LRRIQ1: variants seen among roughly 807,000 people sequenced by gnomAD.
The protein encoded by LRRIQ1 is leucine rich repeats and IQ motif containing 1, also known as leucine-rich repeat- and IQ domain-containing protein 1.
A neutral mutation model predicts 211.9 loss-of-function variants in LRRIQ1; 210 were observed. The observed-to-expected ratio is 0.99, with a 90% CI of 0.89 to 1.11. LRRIQ1 has a LOEUF of 1.11. LRRIQ1 is among the 50% of genes most tolerant of loss of function. The probability of loss-of-function intolerance (pLI) is 0.00; values close to 1 mark genes in which losing one functional copy is unlikely to be tolerated. For missense variants in LRRIQ1, 2,136 were observed against 1,939.5 expected, an observed-to-expected ratio of 1.10 and a Z score of -1.90; for synonymous variants, 699 against 650.1, an observed-to-expected ratio of 1.08 and a Z score of -1.14.
intron 24 of LRRIQ1, among the ~76,000 whole-genome samples, chr12:85,164,576 C>A (rs1283136232): frequency 3.3e-5 from 5 of 152,116 alleles, no homozygotes; most frequent in African/African-American, 1.2e-4. Flanking sequence ...ACAATTAGTT[C>A]TCTTTATTCC....
chr12:85,114,221 A>G (rs1295134943), intron 15 of LRRIQ1, among the ~76,000 whole-genome samples: 1 of 152,088 alleles, frequency 6.6e-6, no homozygotes, highest in Non-Finnish European at 1.5e-5. Context: ...TATAATGAAA[A>G]TATCTGATGG....
At chr12:85,208,631 A>G (rs1254378327) in intron 24 of LRRIQ1, among the ~76,000 whole-genome samples, 2 of 152,146 alleles carry the variant, frequency 1.3e-5, no homozygotes, top group Non-Finnish European at 1.5e-5. Flanking sequence ...CAACGAGACC[A>G]GTAAAATTAG....
intron 19 of LRRIQ1, among the ~76,000 whole-genome samples, chr12:85,141,554 T>G (rs2136583235): frequency 6.7e-6 from 1 of 149,962 alleles, no homozygotes; most frequent in African/African-American, 2.4e-5. Context: ...GGCCATTTCC[T>G]TTGATATTTT....
intron 19 of LRRIQ1, 127 bp from the exon 20 acceptor site, chr12:85,152,153 G>C (rs986128467): frequency 8.6e-6 from 6 of 699,014 alleles, no homozygotes; most frequent in Non-Finnish European, 1.3e-5. Context: ...ATAGTAAGTA[G>C]AAAATTTCCT....
intron 11 of LRRIQ1, among the ~76,000 whole-genome samples, chr12:85,094,201 A>C (rs770218931): frequency 1.3e-5 from 2 of 152,186 alleles, no homozygotes; most frequent in Non-Finnish European, 2.9e-5. Context: ...TACTTTGTAG[A>C]CTGGACATAA....
intron 18 of LRRIQ1, among the ~76,000 whole-genome samples, chr12:85,137,135 A>C (rs143927522): frequency 2.6e-5 from 4 of 151,464 alleles, no homozygotes; most frequent in South Asian, 2.1e-4. Flanking sequence ...AATGTAATGT[A>C]TATATTTATA....
intron 19 of LRRIQ1, 43 bp downstream of exon 19, chr12:85,138,012 A>G (rs168615): frequency 0.51 from 568,463 of 1,106,368 alleles, 152,728 homozygotes; most frequent in African/African-American, 0.87. Context: ...CTTAAAATAC[A>G]TTAAGTGTAC....
intron 24 of LRRIQ1, among the ~76,000 whole-genome samples, chr12:85,188,900 CAT>C (rs1776410960): frequency 6.6e-6 from 1 of 152,022 alleles, no homozygotes; most frequent in African/African-American, 2.4e-5. Context: ...GAGAGCGAGT[CAT>C]AGGAATTATG....
At chr12:85,062,526 G>A (rs75930599) in intron 8 of LRRIQ1, among the ~76,000 whole-genome samples, 4,775 of 151,130 alleles carry the variant, frequency 0.032, 256 homozygotes, top group African/African-American at 0.11. Context: ...CGAAAGGCAT[G>A]ATTTCATTTT....
chr12:85,161,395 ACTT>A lies in LRRIQ1; in HGVS notation c.4822+682_4822+684del, dbSNP rs530589679. 7.1e-3 allele frequency among the ~76,000 whole-genome samples: 1,085 copies of A among 152,102 alleles called. 9 individuals are homozygous for A. The highest frequency in any genetic ancestry group is 0.025 in the African/African-American group (1,055 of 41,538). On this transcript the variant is annotated intron_variant, in intron 24 of 26. Coordinates refer to ENST00000393217, the MANE Select transcript of LRRIQ1 (RefSeq NM_001079910.2). ...AGTTTTTATACTAAAAAATTGTACT[ACTT>A]TTTTAGTATAAAATTTTTATTTAGT... is the stretch of plus-strand genomic sequence containing the variant.
downstream of LRRIQ1, among the ~76,000 whole-genome samples, chr12:85,269,043 T>C (rs796088038): frequency 3.9e-5 from 6 of 152,004 alleles, 1 homozygote; most frequent in African/African-American, 1.4e-4. Context: ...GCATTTTAAG[T>C]GAAGAATACA....
chr12:85,179,049 T>C (rs1222812059), intron 24 of LRRIQ1, among the ~76,000 whole-genome samples: 4 of 151,994 alleles, frequency 2.6e-5, no homozygotes, highest in Admixed American at 2.0e-4. Context: ...AATTCTGTTA[T>C]GTAACCTATG....
intron 8 of LRRIQ1, among the ~76,000 whole-genome samples, chr12:85,060,522 T>C (rs1270529933): frequency 3.9e-5 from 6 of 151,942 alleles, no homozygotes; most frequent in Admixed American, 3.9e-4. Flanking sequence ...TAGCTGCTTA[T>C]TAACTTTTAG....
At chr12:85,149,513 A>G (rs533964195) in intron 19 of LRRIQ1, among the ~76,000 whole-genome samples, 4 of 151,354 alleles carry the variant, frequency 2.6e-5, no homozygotes, top group African/African-American at 9.7e-5. Context: ...GGTCTATGTG[A>G]GTAGAAGGCT....
At chr12:85,111,896 A>G (rs1037443549) in intron 15 of LRRIQ1, among the ~76,000 whole-genome samples, 1 of 151,866 alleles carries the variant, frequency 6.6e-6, no homozygotes, top group Non-Finnish European at 1.5e-5. Context: ...CTGGAAGGGG[A>G]CATATGTACC....
intron 24 of LRRIQ1, among the ~76,000 whole-genome samples, chr12:85,197,806 T>C (rs1235119597): frequency 7.3e-6 from 1 of 137,490 alleles, no homozygotes; most frequent in Non-Finnish European, 1.5e-5. Flanking sequence ...TGTGCACATG[T>C]ACCCTAAAAC....
intron 24 of LRRIQ1, among the ~76,000 whole-genome samples, chr12:85,200,828 CTTTTTTTTT>C (rs2137015726): frequency 6.7e-6 from 1 of 148,962 alleles, no homozygotes; most frequent in Admixed American, 6.7e-5. Flanking sequence ...ATTTTTTTTT[CTTTTTTTTT>C]GAGACAGGGT....
chr12:85,110,864 C>T (rs1399945937), intron 15 of LRRIQ1, among the ~76,000 whole-genome samples: 1 of 152,006 alleles, frequency 6.6e-6, no homozygotes, highest in Non-Finnish European at 1.5e-5. Flanking sequence ...GATGAGAAAT[C>T]AAGTACTTAC....
chr12:85,165,228 C>T (rs887743295), intron 24 of LRRIQ1, among the ~76,000 whole-genome samples: 1 of 152,022 alleles, frequency 6.6e-6, no homozygotes, highest in African/African-American at 2.4e-5. Flanking sequence ...TACAAATGAT[C>T]TCATCACCCA....
Sources: gnomAD v4.1 joint callset for allele counts (sites outside exome capture counted in the v4.1 genomes callset) on GRCh38, gnomAD v4.1.1 for gene constraint, MANE v1.5 for transcripts, NCBI Gene and HGNC (gene_info 2026-07-23, HGNC 2026-07-21) for gene names.